The following SLC9C1 variants were observed in gnomAD, a reference collection of about 807,000 sequenced individuals.
SLC9C1 encodes the protein solute carrier family 9 member C1, also known as sodium/hydrogen exchanger 10.
SLC9C1 carries 97 observed loss-of-function variants against 140.9 expected under a neutral mutation model. The ratio of observed to expected loss-of-function variants is 0.69; its 90% CI spans 0.58 to 0.82. The LOEUF (loss-of-function observed/expected upper bound fraction) is 0.82. SLC9C1 is among the 40% of genes least tolerant of loss of function. The probability of loss-of-function intolerance (pLI) is 0.00; values close to 1 mark genes in which losing one functional copy is unlikely to be tolerated. For missense variants in SLC9C1, 1,340 were observed against 1,389.3 expected, an observed-to-expected ratio of 0.96 and a Z score of 0.56; for synonymous variants, 440 against 442.6, an observed-to-expected ratio of 0.99 and a Z score of 0.07.
At chr3:112,208,060 A>G in intron 16 of SLC9C1, 118 bp downstream of exon 16, 2 of 753,036 alleles carry the variant, frequency 2.7e-6, no homozygotes, top group Admixed American at 5.9e-5. Flanking sequence ...TGGAGACGTG[A>G]GGAAGAAATT....
chr3:112,284,632 T>C (rs1368045680), intron 2 of SLC9C1, among the ~76,000 whole-genome samples: 1 of 152,198 alleles, frequency 6.6e-6, no homozygotes, highest in Non-Finnish European at 1.5e-5. Context: ...AAAGTGGTTG[T>C]TATGTAAAGA....
At chr3:112,141,331 T>G (rs751277386) in intron 28 of SLC9C1, 50 bp from the exon 29 acceptor site, 1 of 1,551,658 alleles carries the variant, frequency 6.4e-7, no homozygotes, top group South Asian at 1.2e-5. Flanking sequence ...TTTTGAATCT[T>G]TCAATATTGA....
intron 5 of SLC9C1, among the ~76,000 whole-genome samples, chr3:112,277,306 A>C (rs1214733991): frequency 6.6e-6 from 1 of 152,112 alleles, no homozygotes; most frequent in Non-Finnish European, 1.5e-5. Context: ...AAATATTTTT[A>C]AAATGGCGTT....
intron 20 of SLC9C1, among the ~76,000 whole-genome samples, chr3:112,184,517 T>A (rs2077496003): frequency 6.6e-6 from 1 of 150,838 alleles, no homozygotes; most frequent in African/African-American, 2.4e-5. Flanking sequence ...TTGCCTGTAA[T>A]CCCAGCTACT....
intron 10 of SLC9C1, among the ~76,000 whole-genome samples, chr3:112,257,089 G>T (rs1243671849): frequency 6.6e-6 from 1 of 152,152 alleles, no homozygotes; most frequent in African/African-American, 2.4e-5. Flanking sequence ...CATGTTCATG[G>T]ATAGGAAGAA....
chr3:112,150,840 A>ATATATAT (rs1331641000), intron 28 of SLC9C1, among the ~76,000 whole-genome samples: 183 of 57,322 alleles, frequency 3.2e-3, no homozygotes, highest in African/African-American at 0.012. Flanking sequence ...ATATATATAT[A>ATATATAT]TTTTTTTTTT....
At chr3:112,251,647 A>T (rs1046261053) in intron 10 of SLC9C1, among the ~76,000 whole-genome samples, 1 of 152,166 alleles carries the variant, frequency 6.6e-6, no homozygotes, top group Non-Finnish European at 1.5e-5. Context: ...GTCATCCACC[A>T]GTAGCAGCAT....
intron 7 of SLC9C1, 88 bp downstream of exon 7, chr3:112,269,828 C>G: frequency 8.7e-7 from 1 of 1,148,710 alleles, no homozygotes; most frequent in Non-Finnish European, 1.2e-6. Context: ...AATGTTTTTA[C>G]TAACTTTTGC....
intron 13 of SLC9C1, 38 bp from the exon 14 acceptor site, chr3:112,221,263 A>G (rs778185597): frequency 1.9e-6 from 3 of 1,541,178 alleles, no homozygotes; most frequent in South Asian, 1.1e-5. Context: ...TATAGCATGA[A>G]TAACGATGAC....
intron 12 of SLC9C1, among the ~76,000 whole-genome samples, chr3:112,233,486 C>CT (rs2078891080): frequency 6.6e-6 from 1 of 151,926 alleles, no homozygotes; most frequent in Non-Finnish European, 1.5e-5. Context: ...TTTCTTGATT[C>CT]TTTTTTTCAT....
Position 112,243,600 on chromosome 3 carries a change from A to C in SLC9C1, c.1279+395T>G, listed in dbSNP as rs201655662. On this transcript the variant is annotated intron_variant, in intron 11 of 28. Transcript: ENST00000305815. Reference sequence around the variant, plus strand: ...TCTGTACCTCAAACCTCAGCATCACACAATATACCCATGTAACCAACCTGC... The same window carrying C: ...TCTGTACCTCAAACCTCAGCATCACCCAATATACCCATGTAACCAACCTGC... 5.9e-5 allele frequency among the ~76,000 whole-genome samples: 9 copies of C among 152,324 alleles called. No homozygotes were observed. In the East Asian group the frequency reaches 1.7e-3, roughly 29 times the overall value.
At chr3:112,239,648 T>G (rs921774483) in intron 12 of SLC9C1, among the ~76,000 whole-genome samples, 192 bp downstream of exon 12, 2 of 152,216 alleles carry the variant, frequency 1.3e-5, no homozygotes, top group East Asian at 3.8e-4. Flanking sequence ...GGGTTATGAC[T>G]TCTACTTTGC....
intron 6 of SLC9C1, among the ~76,000 whole-genome samples, chr3:112,272,468 T>G (rs915326245): frequency 6.6e-6 from 1 of 152,146 alleles, no homozygotes; most frequent in Non-Finnish European, 1.5e-5. Context: ...TAACACTGTT[T>G]AAATAATTAC....
chr3:112,153,144 A>ATCAAATTGTGTTGTTT (rs2075031841), intron 27 of SLC9C1, among the ~76,000 whole-genome samples: 1 of 152,176 alleles, frequency 6.6e-6, no homozygotes, highest in East Asian at 1.9e-4. Flanking sequence ...TCTACTAAAC[A>ATCAAATTGTGTTGTTT]ACACAATTTG....
At chr3:112,151,198 T>C (rs1576208244) in intron 28 of SLC9C1, among the ~76,000 whole-genome samples, 1 of 152,314 alleles carries the variant, frequency 6.6e-6, no homozygotes, top group South Asian at 2.1e-4. Flanking sequence ...ATTTTTTAAC[T>C]TAGTGATATG....
intron 16 of SLC9C1, among the ~76,000 whole-genome samples, chr3:112,207,731 C>T (rs2078094907): frequency 6.6e-6 from 1 of 152,094 alleles, no homozygotes. Context: ...GTATTGCTTT[C>T]CCTTGAATAC....
chr3:112,262,058 C>T (rs1317051638), intron 10 of SLC9C1, among the ~76,000 whole-genome samples: 1 of 151,950 alleles, frequency 6.6e-6, no homozygotes, highest in Non-Finnish European at 1.5e-5. Context: ...AGTGAGGAAA[C>T]TGATACTTGA....
At chr3:112,177,070 G>A (rs1183076750) in intron 23 of SLC9C1, among the ~76,000 whole-genome samples, 2 of 147,170 alleles carry the variant, frequency 1.4e-5, no homozygotes, top group African/African-American at 2.5e-5. Context: ...GCAGTGGTGC[G>A]ATCTCAGCTT....
intron 12 of SLC9C1, among the ~76,000 whole-genome samples, chr3:112,237,965 G>C (rs1462479507): frequency 1.3e-5 from 2 of 152,024 alleles, no homozygotes; most frequent in Non-Finnish European, 2.9e-5. Context: ...AAGTATCTTT[G>C]TGGCATTCTC....
Sources: allele counts gnomAD v4.1 joint callset (sites outside exome capture counted in the v4.1 genomes callset), GRCh38; gene constraint gnomAD v4.1.1; transcripts MANE v1.5; gene names NCBI Gene and HGNC (gene_info 2026-07-23, HGNC 2026-07-21).